NEDD4L: variants seen among roughly 807,000 people sequenced by gnomAD.
NEDD4L encodes the protein NEDD4 like E3 ubiquitin protein ligase.
NEDD4L carries 54 observed loss-of-function variants against 148.9 expected under a neutral mutation model. The observed-to-expected ratio is 0.36, with a 90% confidence interval of 0.29 to 0.45. The LOEUF (loss-of-function observed/expected upper bound fraction) is 0.45, where lower values mean the gene tolerates loss of function less well. NEDD4L is among the 20% of genes least tolerant of loss of function. The pLI is 1.00. For missense variants in NEDD4L, 856 were observed against 1,233.8 expected (o/e 0.69, Z 4.59); for synonymous variants, 433 against 440.7 (o/e 0.98, Z 0.22).
At chr18:58,125,106 C>G (rs2030797285) in intron 1 of NEDD4L, among the ~76,000 whole-genome samples, 2 of 152,170 alleles carry the variant, frequency 1.3e-5, no homozygotes, top group Non-Finnish European at 2.9e-5. Flanking sequence ...CATGATGTTG[C>G]CAAAGCTGGT....
At chr18:58,055,551 G>A (rs1299306005) in intron 1 of NEDD4L, among the ~76,000 whole-genome samples, 8 of 152,140 alleles carry the variant, frequency 5.3e-5, no homozygotes, top group Non-Finnish European at 8.8e-5. Flanking sequence ...CTGATATAGT[G>A]TTTGTTCAGT....
At chr18:58,046,873 C>G (rs1355415936) in intron 1 of NEDD4L, 2 of 152,178 alleles carry the variant, frequency 1.3e-5, no homozygotes, top group Non-Finnish European at 2.9e-5. Flanking sequence ...GAGTCTCAGC[C>G]GTCTTCCTTT....
chr18:58,389,139 A>C lies in NEDD4L; in HGVS notation c.2602A>C (p.Ile868Leu). The C allele has an allele frequency of 3.1e-6, 5 of 1,613,876 alleles. No homozygotes were observed. The highest frequency in any genetic ancestry group is 4.2e-6 in the Non-Finnish European group (5 of 1,179,850). Residue 868 changes from isoleucine (I) to leucine (L), a missense_variant, in exon 28 of 31, where the codon ATT (isoleucine) becomes CTT (leucine). Around this residue, in one of 4 missense-constraint regions of NEDD4L, gnomAD observed 286 missense variants for 531.8 expected, o/e 0.54. Coordinates refer to ENST00000400345, the MANE Select transcript of NEDD4L (RefSeq NM_001144967.3). Reference sequence around the variant, plus strand: ...TGTGAATGACTGGAGACAGCATTCTATTTACAAGAACGGCTACTGCCCAAA... The same window carrying C: ...TGTGAATGACTGGAGACAGCATTCTCTTTACAAGAACGGCTACTGCCCAAA... ...VDVNDWRQHS[I>L]YKNGYCPNHP... is the part of the protein sequence containing the mutation.
intron 5 of NEDD4L, among the ~76,000 whole-genome samples, chr18:58,261,104 G>A (rs1600378364): frequency 6.6e-6 from 1 of 152,170 alleles, no homozygotes; most frequent in East Asian, 1.9e-4. Flanking sequence ...AGGACAACAT[G>A]CATTTATGGC....
intron 1 of NEDD4L, among the ~76,000 whole-genome samples, chr18:58,083,552 G>C (rs2083578544): frequency 6.6e-6 from 1 of 152,162 alleles, no homozygotes; most frequent in African/African-American, 2.4e-5. Flanking sequence ...GCCGGGCGTG[G>C]TGGCGGGTGC....
chr18:58,212,061 G>A (rs964573936), intron 2 of NEDD4L, among the ~76,000 whole-genome samples: 5 of 152,202 alleles, frequency 3.3e-5, no homozygotes, highest in African/African-American at 7.2e-5. Flanking sequence ...CTTGGAGTGA[G>A]GGAGAATGGT....
At position 58,045,264 on chromosome 18, in the gene NEDD4L, A is replaced by T. The variant is rs576507281; in HGVS notation, c.48+556A>T. The T allele has an allele frequency of 7.6e-6, 3 of 396,972 alleles. No individual in the cohort carries two copies. The South Asian group carries it at 4.2e-4, about 56-fold the overall frequency. The allele number at this position is 396,972 out of a possible 1,614,324, so 24.6% of individuals were successfully genotyped here. A position where few individuals can be genotyped will look rare whatever the true frequency, so the allele number is the denominator to read the frequency against. On this transcript the variant is annotated intron_variant, in intron 1 of 30. Transcript: ENST00000400345. ...GCGTGTGTCCCTCCCCTCGTTTTGCAAAGTCTACGGCCAGGATTGTGGATT... is the reference window on the plus strand; with the variant it reads ...GCGTGTGTCCCTCCCCTCGTTTTGCTAAGTCTACGGCCAGGATTGTGGATT...
At chr18:58,110,365 C>T (rs774553838) in intron 1 of NEDD4L, among the ~76,000 whole-genome samples, 21 of 152,208 alleles carry the variant, frequency 1.4e-4, no homozygotes, top group Non-Finnish European at 2.8e-4. Flanking sequence ...CATTAAGATC[C>T]GTTCACACAG....
At chr18:58,075,730 A>G (rs1255005770) in intron 1 of NEDD4L, among the ~76,000 whole-genome samples, 1 of 152,174 alleles carries the variant, frequency 6.6e-6, no homozygotes, top group Non-Finnish European at 1.5e-5. Flanking sequence ...GTTCGAGACC[A>G]GCCTGGGCTA....
At chr18:58,204,769 A>G (rs1290005145) in intron 2 of NEDD4L, among the ~76,000 whole-genome samples, 1 of 152,234 alleles carries the variant, frequency 6.6e-6, no homozygotes, top group Non-Finnish European at 1.5e-5. Flanking sequence ...AAGGTTTTAT[A>G]TGTATTGTAG....
chr18:58,193,705 T>C (rs1383648935), intron 2 of NEDD4L: 2 of 152,262 alleles, frequency 1.3e-5, no homozygotes, highest in South Asian at 2.1e-4. Flanking sequence ...AAGAGTGAAG[T>C]GGTTAGGAAC....
intron 5 of NEDD4L, among the ~76,000 whole-genome samples, chr18:58,306,042 T>C (rs562569030): frequency 6.6e-6 from 1 of 152,304 alleles, no homozygotes; most frequent in East Asian, 1.9e-4. Flanking sequence ...GAGGAGTATG[T>C]CTTTCTTTGG....
intron 2 of NEDD4L, among the ~76,000 whole-genome samples, chr18:58,232,362 G>A (rs557461151): frequency 4.6e-5 from 7 of 152,206 alleles, no homozygotes; most frequent in Non-Finnish European, 7.3e-5. Flanking sequence ...ATAATAATGT[G>A]TCCTTTTTGG....
chr18:58,340,260 C>T (rs1470634247), intron 13 of NEDD4L, among the ~76,000 whole-genome samples: 2 of 152,208 alleles, frequency 1.3e-5, no homozygotes, highest in Non-Finnish European at 2.9e-5. Flanking sequence ...TCTTAGACTG[C>T]TTCTCAGGGA....
chr18:58,097,043 T>C (rs2084456969), intron 1 of NEDD4L, among the ~76,000 whole-genome samples: 1 of 152,224 alleles, frequency 6.6e-6, no homozygotes, highest in African/African-American at 2.4e-5. Context: ...TTCATACAAT[T>C]TCACATCAAA....
At chr18:58,180,460 C>T (rs72945196) in intron 2 of NEDD4L, among the ~76,000 whole-genome samples, 6,506 of 152,314 alleles carry the variant, frequency 0.043, 192 homozygotes, top group Middle Eastern at 0.078. Context: ...AGTCCCACAT[C>T]GGCCCAGGGG....
chr18:58,177,797 C>T (rs1319305173), intron 2 of NEDD4L, among the ~76,000 whole-genome samples: 1 of 152,166 alleles, frequency 6.6e-6, no homozygotes, highest in African/African-American at 2.4e-5. Context: ...GAAACATTGT[C>T]ATCGACTTTA....
chr18:58,116,378 A>G (rs1319999890), intron 1 of NEDD4L, among the ~76,000 whole-genome samples: 3 of 152,206 alleles, frequency 2.0e-5, no homozygotes, highest in Non-Finnish European at 4.4e-5. Flanking sequence ...ATGCCTTCTC[A>G]TAATGTGGTT....
At chr18:58,139,858 GGA>G (rs1198124010) in intron 1 of NEDD4L, among the ~76,000 whole-genome samples, 11 of 152,300 alleles carry the variant, frequency 7.2e-5, no homozygotes, top group African/African-American at 2.6e-4. Flanking sequence ...AGGCAGGAGT[GGA>G]GAGAGGCGAG....
Sources: gnomAD v4.1 joint callset for allele counts (sites outside exome capture counted in the v4.1 genomes callset) on GRCh38, gnomAD v4.1.1 for gene constraint, gnomAD v4.1.1 regional missense constraint, MANE v1.5 for transcripts, NCBI Gene and HGNC (gene_info 2026-07-23, HGNC 2026-07-21) for gene names.